LAMC2: variants seen among roughly 807,000 people sequenced by gnomAD.
LAMC2 encodes laminin subunit gamma 2, also known as laminin subunit gamma-2.
LAMC2 carries 97 observed loss-of-function variants against 140.2 expected under a neutral mutation model. The ratio of observed to expected loss-of-function variants is 0.69; its 90% CI spans 0.59 to 0.82. LAMC2 has a LOEUF of 0.82. Among genes scored for constraint, LAMC2 ranks in the 40% least tolerant of loss-of-function variants. The probability of loss-of-function intolerance (pLI) is 0.00; values close to 1 mark genes in which losing one functional copy is unlikely to be tolerated. For missense variants in LAMC2, 1,402 were observed against 1,476.1 expected, an observed-to-expected ratio of 0.95 and a Z score of 0.82; for synonymous variants, 513 against 540.2, an observed-to-expected ratio of 0.95 and a Z score of 0.70.
Position 183,240,068 on chromosome 1 carries a change from A to T in LAMC2, c.3098A>T (p.Asn1033Ile). The T allele has an allele frequency of 6.2e-7, 1 of 1,614,094 alleles. No individual in the cohort carries two copies. The highest frequency in any genetic ancestry group is 8.5e-7 in the Non-Finnish European group (1 of 1,180,014). Reference protein sequence around the residue: ...QEIGSLNLEANVTADGALAME... With the variant: ...QEIGSLNLEAIVTADGALAME... ...ATTGGGAGTCTGAACTTGGAAGCCA[A>T]TGTGACAGCAGATGGAGCCTTGGCC... is the stretch of plus-strand genomic sequence containing the variant. The change falls in exon 21 of 23, where the codon AAT becomes ATT. Residue 1033 changes from asparagine to isoleucine, a missense_variant. This residue lies in a region of LAMC2 where 670 missense variants were observed against 667.2 expected (regional missense o/e 1.00). Coordinates refer to ENST00000264144, the MANE Select transcript of LAMC2 (RefSeq NM_005562.3).
At chr1:183,245,658 A>G (rs1660226766), downstream of LAMC2, among the ~76,000 whole-genome samples, 1 of 152,246 alleles carries the variant, frequency 6.6e-6, no homozygotes, top group Non-Finnish European at 1.5e-5. Flanking sequence ...TCTGCCATGC[A>G]AAGGGGTCTG....
intron 17 of LAMC2, among the ~76,000 whole-genome samples, chr1:183,237,087 A>G (rs1402930614): frequency 2.0e-5 from 3 of 152,228 alleles, no homozygotes; most frequent in Non-Finnish European, 4.4e-5. Context: ...ATATGTTCCC[A>G]TGAATATATA....
At chr1:183,218,316 G>A in intron 3 of LAMC2, 74 bp from the exon 4 acceptor site, 1 of 1,167,198 alleles carries the variant, frequency 8.6e-7, no homozygotes, top group South Asian at 1.2e-5. Flanking sequence ...TTGCTCATGA[G>A]CAGTTGATTT....
intron 22 of LAMC2, 137 bp downstream of exon 22, chr1:183,240,528 G>A: frequency 6.8e-7 from 1 of 1,464,940 alleles, no homozygotes; most frequent in Non-Finnish European, 9.0e-7. Context: ...TTGTTTCCAG[G>A]CCCAGATAAC....
At chr1:183,226,317 A>G (rs1470550077) in intron 8 of LAMC2, among the ~76,000 whole-genome samples, 1 of 152,124 alleles carries the variant, frequency 6.6e-6, no homozygotes, top group Non-Finnish European at 1.5e-5. Context: ...AGGTGTAACA[A>G]TGTATTGACT....
chr1:183,227,839 AT>A (rs1659678163), intron 10 of LAMC2, 142 bp downstream of exon 10: 1 of 780,640 alleles, frequency 1.3e-6, no homozygotes, highest in Non-Finnish European at 2.2e-6. Context: ...TAAAGATAAT[AT>A]CTTAAAGATA....
At chr1:183,190,986 C>A (rs1359570077) in intron 1 of LAMC2, among the ~76,000 whole-genome samples, 1 of 152,172 alleles carries the variant, frequency 6.6e-6, no homozygotes, top group African/African-American at 2.4e-5. Context: ...GGCTTATATG[C>A]AACACCTTTC....
chr1:183,253,481 A>C, the LAMC2 span, among the ~76,000 whole-genome samples: 12 of 152,222 alleles, frequency 7.9e-5, no homozygotes, highest in East Asian at 1.9e-3. Flanking sequence ...CCCTAAATAT[A>C]ATACACTATT....
At position 183,228,629 on chromosome 1, in the gene LAMC2, C is replaced by T. The variant is rs1333152131; in HGVS notation, c.1714+10C>T. The T allele has an allele frequency of 8.7e-6, 14 of 1,613,796 alleles. No homozygotes were observed. Among genetic ancestry groups the T allele is most frequent in the Non-Finnish European group, 1.1e-5 (13 of 1,180,018 alleles). On this transcript the variant is annotated intron_variant, in intron 11 of 22. Coordinates refer to ENST00000264144, the MANE Select transcript of LAMC2 (RefSeq NM_005562.3). The surrounding 1 kb of genome is among the most constrained non-coding windows in gnomAD (Gnocchi z 4.3). ...GCAGACAAGTGTCGAGGTAGGACTC[C>T]ACCCCAGGCAGGCTGTGTCTGTGCG...
intron 7 of LAMC2, among the ~76,000 whole-genome samples, chr1:183,224,416 C>T (rs955597089): frequency 6.6e-6 from 1 of 152,122 alleles, no homozygotes; most frequent in Non-Finnish European, 1.5e-5. Context: ...GCTGGAAAGA[C>T]GATGCAGAGC....
intron 2 of LAMC2, among the ~76,000 whole-genome samples, chr1:183,210,758 A>G (rs1397633042): frequency 1.3e-5 from 2 of 152,256 alleles, no homozygotes; most frequent in African/African-American, 4.8e-5. Context: ...CAGTCTGACA[A>G]CAATGTGTTA....
intron 1 of LAMC2, among the ~76,000 whole-genome samples, chr1:183,192,948 G>A (rs1006151325): frequency 6.6e-6 from 1 of 152,136 alleles, no homozygotes; most frequent in East Asian, 1.9e-4. Context: ...CTCGTGATCT[G>A]CCCGCCTCGG....
chr1:183,215,007 C>T (rs1659207565), intron 2 of LAMC2, among the ~76,000 whole-genome samples: 1 of 152,128 alleles, frequency 6.6e-6, no homozygotes, highest in African/African-American at 2.4e-5. Flanking sequence ...CCTTTTTATG[C>T]TCTTAAAAAT....
At chr1:183,208,765 C>T (rs193264396) in intron 2 of LAMC2, among the ~76,000 whole-genome samples, 10 of 152,190 alleles carry the variant, frequency 6.6e-5, no homozygotes, top group Admixed American at 1.3e-4. Flanking sequence ...CTGCAACCTC[C>T]GCCTCCTAGG....
At chr1:183,234,988 G>A (rs1170460749) in intron 15 of LAMC2, among the ~76,000 whole-genome samples, 1 of 152,218 alleles carries the variant, frequency 6.6e-6, no homozygotes, top group East Asian at 1.9e-4. Context: ...CAGGGTGGCA[G>A]GCTCTGTTAA....
intron 13 of LAMC2, 131 bp downstream of exon 13, chr1:183,232,474 A>T: frequency 5.9e-6 from 7 of 1,182,210 alleles, no homozygotes; most frequent in Non-Finnish European, 8.6e-6. Context: ...GCAGAAGTGG[A>T]AGGACTGTCT....
chr1:183,225,220 T>C (rs1039640247), intron 7 of LAMC2, among the ~76,000 whole-genome samples: 1 of 152,110 alleles, frequency 6.6e-6, no homozygotes, highest in African/African-American at 2.4e-5. Flanking sequence ...AACAAATAAA[T>C]GATTTTTTTT....
intron 1 of LAMC2, among the ~76,000 whole-genome samples, chr1:183,198,237 G>A (rs1159579427): frequency 2.7e-5 from 4 of 149,422 alleles, no homozygotes; most frequent in East Asian, 2.0e-4. Context: ...CACCTCCTGC[G>A]TTCAAGTGAT....
At chr1:183,207,464 G>C (rs1658923640) in intron 1 of LAMC2, among the ~76,000 whole-genome samples, 1 of 152,232 alleles carries the variant, frequency 6.6e-6, no homozygotes, top group Admixed American at 6.5e-5. Flanking sequence ...GCTGTGCTGA[G>C]TCCGCAGCTG....
Sources: gnomAD v4.1 joint callset for allele counts (sites outside exome capture counted in the v4.1 genomes callset) on GRCh38, gnomAD v4.1.1 for gene constraint, gnomAD v4.1.1 regional missense constraint, Gnocchi (gnomAD v3.1) non-coding constraint, MANE v1.5 for transcripts, NCBI Gene and HGNC (gene_info 2026-07-23, HGNC 2026-07-21) for gene names.